The following KHDRBS3 variants were observed in gnomAD, a reference collection of about 807,000 sequenced individuals.
KHDRBS3 encodes KH domain-containing, RNA-binding, signal transduction-associated protein 3.
KHDRBS3 carries 23 observed loss-of-function variants against 45.6 expected under a neutral mutation model. That is an observed-to-expected ratio of 0.50 (90% confidence interval 0.36 to 0.72). The LOEUF is 0.72. Among genes scored for constraint, KHDRBS3 ranks in the 30% least tolerant of loss-of-function variants. The pLI, the probability that KHDRBS3 is intolerant of heterozygous loss-of-function variation, is 0.00. For missense variants in KHDRBS3, 352 were observed against 424.8 expected (o/e 0.83, Z 1.51); for synonymous variants, 162 against 156.5 (o/e 1.04, Z -0.26).
chr8:135,559,787 C>G (rs1205856868), intron 5 of KHDRBS3, among the ~76,000 whole-genome samples: 3 of 152,188 alleles, frequency 2.0e-5, no homozygotes, highest in Non-Finnish European at 4.4e-5. Context: ...TGGCTAGTTG[C>G]ATTATTGATG....
downstream of KHDRBS3, among the ~76,000 whole-genome samples, chr8:135,648,994 C>T (rs189352195): frequency 0.012 from 1,846 of 152,158 alleles, 17 homozygotes; most frequent in Middle Eastern, 0.051. Flanking sequence ...AAAAATTACA[C>T]AGATATGCTG....
At chr8:135,530,638 A>G (rs978657133) in intron 2 of KHDRBS3, among the ~76,000 whole-genome samples, 3 of 152,112 alleles carry the variant, frequency 2.0e-5, no homozygotes, top group African/African-American at 7.2e-5. Context: ...CAAACATCTT[A>G]GAGATTTGCC....
At chr8:135,566,394 T>TAAAGCC (rs1255851255) in intron 5 of KHDRBS3, among the ~76,000 whole-genome samples, 1 of 152,170 alleles carries the variant, frequency 6.6e-6, no homozygotes, top group African/African-American at 2.4e-5. Flanking sequence ...AATGTTATAA[T>TAAAGCC]AAAGCCAAAG....
chr8:135,474,190 T>G (rs144619782), intron 1 of KHDRBS3, among the ~76,000 whole-genome samples: 197 of 152,184 alleles, frequency 1.3e-3, no homozygotes, highest in African/African-American at 4.7e-3. Flanking sequence ...AAAAAAAATC[T>G]TTATAAACTT....
chr8:135,521,182 C>A (rs1024972928), intron 1 of KHDRBS3, 55 bp from the exon 2 acceptor site: 2 of 1,050,642 alleles, frequency 1.9e-6, no homozygotes, highest in East Asian at 4.8e-5. Flanking sequence ...ACCAGAACAC[C>A]CAGCCCCTGC....
Position 135,542,696 on chromosome 8 carries a change from C to T in KHDRBS3, c.250C>T (p.Leu84=), listed in dbSNP as rs1161471318. 5 of 1,613,852 alleles carry T rather than the reference C, an allele frequency of 3.1e-6. No individual in the cohort carries two copies. Among genetic ancestry groups the T allele is most frequent in the Admixed American group, 3.3e-5 (2 of 59,998 alleles). ...GKLLGPRGNS[L]KRLQEETLTK... The stretch of plus-strand genomic sequence containing the variant: ...ACTTTTGGGTCCACGTGGCAATTCT[C>T]TGAAGCGTTTACAAGAAGAAACCTT... The change falls in exon 3 of 9, where the codon CTG becomes TTG. Residue 84 remains leucine, a synonymous_variant. Transcript: ENST00000355849.
intron 4 of KHDRBS3, among the ~76,000 whole-genome samples, chr8:135,653,461 G>A (rs972374594): frequency 6.6e-6 from 1 of 152,172 alleles, no homozygotes; most frequent in Non-Finnish European, 1.5e-5. Context: ...TTACAGTGGT[G>A]GAAATGTAGT....
At chr8:135,531,592 A>G (rs545345474) in intron 2 of KHDRBS3, among the ~76,000 whole-genome samples, 1 of 152,314 alleles carries the variant, frequency 6.6e-6, no homozygotes, top group Non-Finnish European at 1.5e-5. Context: ...GAAAGGATAA[A>G]TTTTACTAAA....
downstream of KHDRBS3, among the ~76,000 whole-genome samples, chr8:135,648,887 G>GA (rs143223762): frequency 1.7e-4 from 25 of 149,904 alleles, no homozygotes; most frequent in Non-Finnish European, 2.4e-4. Flanking sequence ...TCAATAGCAT[G>GA]AAAAAAAAAA....
At chr8:135,464,426 CTT>C (rs2130121645) in intron 1 of KHDRBS3, among the ~76,000 whole-genome samples, 1 of 152,280 alleles carries the variant, frequency 6.6e-6, no homozygotes, top group African/African-American at 2.4e-5. Flanking sequence ...AGTTCTGTCT[CTT>C]GAGGGAGCCT....
intron 6 of KHDRBS3, among the ~76,000 whole-genome samples, chr8:135,585,228 CAAAAAAAAAA>C (rs35301059): frequency 1.0e-5 from 1 of 96,170 alleles, no homozygotes; most frequent in Admixed American, 1.2e-4. Context: ...GACTCCGTCT[CAAAAAAAAAA>C]AAAAAAAAAG....
At chr8:135,480,606 A>G (rs999075907) in intron 1 of KHDRBS3, among the ~76,000 whole-genome samples, 1 of 152,176 alleles carries the variant, frequency 6.6e-6, no homozygotes, top group African/African-American at 2.4e-5. Flanking sequence ...ACATACTTGA[A>G]TGAATGCTTA....
intron 5 of KHDRBS3, among the ~76,000 whole-genome samples, chr8:135,567,566 T>C (rs139653709): frequency 1.4e-4 from 22 of 152,248 alleles, no homozygotes; most frequent in Middle Eastern, 6.8e-3. Context: ...GGGCTCATAG[T>C]AGAGAGGGAA....
downstream of KHDRBS3, among the ~76,000 whole-genome samples, chr8:135,651,808 A>C (rs908194259): frequency 1.3e-5 from 2 of 152,176 alleles, no homozygotes; most frequent in Admixed American, 1.3e-4. Context: ...TGGTATTGTC[A>C]CTGTGAGCAA....
Position 135,631,399 on chromosome 8 carries a change from A to C in KHDRBS3, c.891-13660A>C, listed in dbSNP as rs369308862. Among the ~76,000 whole-genome samples the C allele has an allele frequency of 2.4e-4, 36 of 152,178 alleles. 1 individual carries two copies. The highest frequency in any genetic ancestry group is 7.2e-4 in the Admixed American group (11 of 15,298). ...TAAAACACAAACATATTGTACAACT[A>C]TACAAAAATGTGTCCTTATTTCATA... On this transcript the variant is annotated intron_variant, in intron 7 of 8. Transcript: ENST00000355849.
intron 7 of KHDRBS3, among the ~76,000 whole-genome samples, chr8:135,618,344 G>A (rs1830001910): frequency 6.6e-6 from 1 of 152,180 alleles, no homozygotes; most frequent in African/African-American, 2.4e-5. Context: ...TGGATAGATA[G>A]TAATATAATT....
chr8:135,579,457 C>G (rs185688572), intron 5 of KHDRBS3, among the ~76,000 whole-genome samples: 1 of 152,244 alleles, frequency 6.6e-6, no homozygotes, highest in African/African-American at 2.4e-5. Context: ...CATGCCTCAG[C>G]CTGAGTAGCT....
chr8:135,652,162 T>A (rs1245887345), downstream of KHDRBS3, among the ~76,000 whole-genome samples: 1 of 152,222 alleles, frequency 6.6e-6, no homozygotes, highest in Non-Finnish European at 1.5e-5. Context: ...ATCATTATTT[T>A]AAAATAACAG....
intron 1 of KHDRBS3, among the ~76,000 whole-genome samples, chr8:135,481,187 T>A (rs1429613907): frequency 2.0e-5 from 3 of 148,700 alleles, no homozygotes; most frequent in Admixed American, 2.0e-4. Context: ...GAGGTTACAA[T>A]CATGCTGGAT....
Sources: allele counts gnomAD v4.1 joint callset (sites outside exome capture counted in the v4.1 genomes callset), GRCh38; gene constraint gnomAD v4.1.1; transcripts MANE v1.5; gene names NCBI Gene and HGNC (gene_info 2026-07-23, HGNC 2026-07-21).